The following TNFSF4 variants were observed in gnomAD, a reference collection of about 807,000 sequenced individuals.
TNFSF4 encodes the protein tumor necrosis factor ligand superfamily member 4.
A neutral mutation model predicts 7.3 loss-of-function variants in TNFSF4; 4 were observed. The observed-to-expected ratio is 0.55, with a 90% CI of 0.27 to 1.25. The LOEUF (loss-of-function observed/expected upper bound fraction) is 1.25, where lower values mean the gene tolerates loss of function less well. Ranked by LOEUF, TNFSF4 falls within the 50% of genes most tolerant of loss-of-function variation. TNFSF4 has a pLI of 0.12. For missense variants in TNFSF4, 181 were observed against 208.8 expected, an observed-to-expected ratio of 0.87 and a Z score of 0.82; for synonymous variants, 76 against 83.7, an observed-to-expected ratio of 0.91 and a Z score of 0.50.
the TNFSF4 span, among the ~76,000 whole-genome samples, chr1:173,174,912 C>T: frequency 6.6e-6 from 1 of 152,210 alleles, no homozygotes; most frequent in African/African-American, 2.4e-5. Flanking sequence ...CAGTCTGTCC[C>T]ACTTGGTAAT....
At chr1:173,285,165 T>C in the TNFSF4 span, among the ~76,000 whole-genome samples, 2 of 152,060 alleles carry the variant, frequency 1.3e-5, no homozygotes, top group Non-Finnish European at 2.9e-5. Flanking sequence ...CATGAATGAC[T>C]GTGAAGGGTT....
chr1:173,174,104 C>G, the TNFSF4 span, among the ~76,000 whole-genome samples: 1 of 152,180 alleles, frequency 6.6e-6, no homozygotes, highest in Non-Finnish European at 1.5e-5. Context: ...CTCTCAAGTT[C>G]AAAGTTCCAC....
chr1:173,177,391 T>A, the TNFSF4 span, among the ~76,000 whole-genome samples: 5 of 151,132 alleles, frequency 3.3e-5, no homozygotes, highest in Admixed American at 1.3e-4. Context: ...GACCTAAACA[T>A]TGAGTACAAA....
chr1:173,270,998 A>G, the TNFSF4 span, among the ~76,000 whole-genome samples: 1 of 152,154 alleles, frequency 6.6e-6, no homozygotes, highest in Non-Finnish European at 1.5e-5. Context: ...CGTAAGCTGC[A>G]TCGAGTTTAA....
chr1:173,422,299 G>C, the TNFSF4 span, among the ~76,000 whole-genome samples: 1 of 134,004 alleles, frequency 7.5e-6, no homozygotes, highest in Non-Finnish European at 1.5e-5. Context: ...TGCAGAATGA[G>C]AGAGAAGGAA....
the TNFSF4 span, among the ~76,000 whole-genome samples, chr1:173,317,808 A>G: frequency 6.6e-6 from 1 of 152,246 alleles, no homozygotes; most frequent in African/African-American, 2.4e-5. Context: ...AGAGAGGGCA[A>G]TTTAAAAAAT....
the TNFSF4 span, among the ~76,000 whole-genome samples, chr1:173,251,556 G>A: frequency 6.6e-6 from 1 of 152,204 alleles, no homozygotes; most frequent in Non-Finnish European, 1.5e-5. Flanking sequence ...GGGGCCAGGG[G>A]GAGGGTATGT....
intron 1 of TNFSF4, among the ~76,000 whole-genome samples, chr1:173,204,824 T>A (rs1057201253): frequency 2.6e-5 from 4 of 152,074 alleles, no homozygotes; most frequent in African/African-American, 9.7e-5. Flanking sequence ...AGTCTATGTC[T>A]CTTTGTCAGC....
chr1:173,386,461 T>A, the TNFSF4 span, among the ~76,000 whole-genome samples: 2 of 152,152 alleles, frequency 1.3e-5, no homozygotes, highest in African/African-American at 4.8e-5. Context: ...CAAGGCAATG[T>A]CCAGTAGAGT....
At chr1:173,359,606 T>C in the TNFSF4 span, among the ~76,000 whole-genome samples, 6 of 151,524 alleles carry the variant, frequency 4.0e-5, no homozygotes, top group Non-Finnish European at 7.4e-5. Flanking sequence ...TATTTTCACA[T>C]TGGCATATTG....
the TNFSF4 span, among the ~76,000 whole-genome samples, chr1:173,296,041 G>A: frequency 6.6e-6 from 1 of 151,984 alleles, no homozygotes; most frequent in African/African-American, 2.4e-5. Flanking sequence ...CATTTTCCAT[G>A]AATGTTTTTA....
intron 1 of TNFSF4, among the ~76,000 whole-genome samples, chr1:173,202,504 A>G (rs1649989102): frequency 6.6e-6 from 1 of 152,214 alleles, no homozygotes; most frequent in Non-Finnish European, 1.5e-5. Flanking sequence ...TCAGGAAAAG[A>G]GGATAAGCTG....
chr1:173,210,756 G>A (rs1425114007), upstream of TNFSF4, among the ~76,000 whole-genome samples: 2 of 152,142 alleles, frequency 1.3e-5, no homozygotes, highest in Non-Finnish European at 2.9e-5. Context: ...ATATGGCAAG[G>A]CAGGATCAAG....
At chr1:173,191,340 T>G (rs987799520) in intron 1 of TNFSF4, among the ~76,000 whole-genome samples, 2 of 152,170 alleles carry the variant, frequency 1.3e-5, no homozygotes, top group Non-Finnish European at 2.9e-5. Context: ...GAAGGTCACA[T>G]AGGGGTAGAA....
the TNFSF4 span, among the ~76,000 whole-genome samples, chr1:173,330,274 T>G: frequency 7.1e-6 from 1 of 141,468 alleles, no homozygotes; most frequent in Non-Finnish European, 1.5e-5. Flanking sequence ...TTATTATTTT[T>G]TATATCACAT....
chr1:173,347,476 T>A, the TNFSF4 span, among the ~76,000 whole-genome samples: 4 of 152,188 alleles, frequency 2.6e-5, no homozygotes, highest in African/African-American at 7.2e-5. Context: ...AGACAGTCTT[T>A]CCCATGCAAC....
chr1:173,270,399 A>G, the TNFSF4 span, among the ~76,000 whole-genome samples: 1 of 151,988 alleles, frequency 6.6e-6, no homozygotes, highest in Non-Finnish European at 1.5e-5. Context: ...AGTGAAGAGG[A>G]CCCTGGGGCT....
At chr1:173,450,122 G>A in the TNFSF4 span, among the ~76,000 whole-genome samples, 3 of 152,004 alleles carry the variant, frequency 2.0e-5, no homozygotes, top group Non-Finnish European at 4.4e-5. Context: ...GACCTTAAGA[G>A]GATAACAAGG....
chr1:173,277,023 C>T, the TNFSF4 span, among the ~76,000 whole-genome samples: 1 of 152,100 alleles, frequency 6.6e-6, no homozygotes, highest in South Asian at 2.1e-4. Context: ...ACAAGTCAGC[C>T]ATAATAATAA....
Sources: gnomAD v4.1 joint callset for allele counts (sites outside exome capture counted in the v4.1 genomes callset) on GRCh38, gnomAD v4.1.1 for gene constraint, MANE v1.5 for transcripts, NCBI Gene and HGNC (gene_info 2026-07-23, HGNC 2026-07-21) for gene names.